The following RORA variants were observed in gnomAD, a reference collection of about 807,000 sequenced individuals.
RORA encodes the protein RAR related orphan receptor A.
RORA carries 7 observed loss-of-function variants against 69.5 expected under a neutral mutation model. That is an observed-to-expected ratio of 0.10 (90% CI 0.06 to 0.19). The LOEUF is 0.19. Among genes scored for constraint, RORA ranks in the 10% least tolerant of loss-of-function variants. The pLI is 1.00. For synonymous variants in RORA, 261 were observed against 240.8 expected (o/e 1.08, Z -0.78); for missense variants, 457 against 663.0 (o/e 0.69, Z 3.41).
intron 1 of RORA, among the ~76,000 whole-genome samples, chr15:60,869,789 C>T (rs1355997104): frequency 6.6e-6 from 1 of 152,186 alleles, no homozygotes; most frequent in Non-Finnish European, 1.5e-5. Context: ...GCGATGCTAG[C>T]CCTAAGGGGA....
intron 1 of RORA, among the ~76,000 whole-genome samples, chr15:60,878,680 A>C (rs1363423260): frequency 6.6e-6 from 1 of 151,928 alleles, no homozygotes; most frequent in African/African-American, 2.4e-5. Context: ...TATTGCTCAG[A>C]CCTCTGTCTG....
intron 9 of RORA, 73 bp from the exon 10 acceptor site, chr15:60,500,077 T>C (rs1336656264): frequency 1.1e-6 from 1 of 884,336 alleles, no homozygotes; most frequent in Non-Finnish European, 1.8e-6. Flanking sequence ...CCGGATTCTT[T>C]TGATACGGAT....
chr15:60,901,160 T>A (rs1399426552), intron 1 of RORA, among the ~76,000 whole-genome samples: 2 of 152,130 alleles, frequency 1.3e-5, no homozygotes, highest in Non-Finnish European at 2.9e-5. Context: ...TTAAATGATC[T>A]TGATTCATGA....
chr15:61,076,951 C>T (rs570008866), intron 1 of RORA, among the ~76,000 whole-genome samples: 2 of 148,938 alleles, frequency 1.3e-5, no homozygotes, highest in Non-Finnish European at 1.5e-5. Flanking sequence ...AAAAAAAAAG[C>T]CCTTAATTGC....
intron 2 of RORA, among the ~76,000 whole-genome samples, chr15:60,599,207 T>G (rs892511347): frequency 6.6e-6 from 1 of 152,126 alleles, no homozygotes; most frequent in Non-Finnish European, 1.5e-5. Context: ...CACATCTTGG[T>G]GGATAGAAGT....
chr15:61,181,029 G>A (rs561079908), intron 1 of RORA, among the ~76,000 whole-genome samples: 8 of 151,706 alleles, frequency 5.3e-5, no homozygotes, highest in African/African-American at 1.5e-4. Flanking sequence ...GTTTGAACCT[G>A]GGAGGCAGAG....
intron 2 of RORA, among the ~76,000 whole-genome samples, chr15:60,629,338 C>T (rs1055930458): frequency 3.3e-5 from 5 of 152,032 alleles, no homozygotes; most frequent in Non-Finnish European, 7.4e-5. Flanking sequence ...AGGCATGCAC[C>T]ACCACGCCCA....
At position 61,131,442 on chromosome 15, in the gene RORA, G is replaced by A. The variant is rs145707384; in HGVS notation, c.166+97611C>T. Among the ~76,000 whole-genome samples the A allele has an allele frequency of 1.6e-4, 25 of 152,328 alleles. No individual in the cohort carries two copies. The East Asian group carries it at 4.8e-3, about 29-fold the overall frequency. ...CAGCATTTCTCTAGAGGACACAGCT[G>A]CAGGCTCTTTGGAGCTACTCCTGGG... is the stretch of plus-strand genomic sequence containing the variant. On this transcript the variant is annotated intron_variant, in intron 1 of 10. Coordinates refer to ENST00000335670, the MANE Select transcript of RORA (RefSeq NM_134261.3). This position sits in a 1 kb window ranked among gnomAD's most constrained non-coding sequence, Gnocchi z 4.2.
chr15:61,066,959 G>T (rs988406615), intron 1 of RORA, among the ~76,000 whole-genome samples: 47 of 150,608 alleles, frequency 3.1e-4, no homozygotes, highest in African/African-American at 1.1e-3. Flanking sequence ...GTCATTTTTG[G>T]CAGCTGCATT....
In RORA at chr15:60,763,065, ATTTTTTTTTTTT is replaced by A. The variant is rs374433414; in HGVS notation, c.167-84391_167-84380del. Among the ~76,000 whole-genome samples, 104 of 48,376 alleles carry A rather than the reference ATTTTTTTTTTTT, an allele frequency of 2.1e-3. 1 individual carries two copies. The highest frequency in any genetic ancestry group is 2.1e-3 in the East Asian group (3 of 1,446). The allele number at this position is 48,376 out of a possible 152,430, so 31.7% of individuals were successfully genotyped here. On this transcript the variant is annotated intron_variant, in intron 1 of 10. Transcript: ENST00000335670. ...AAAGTACTGTTTCCAATATGCACAGATTTTTTTTTTTTTTTTTTTTTTTTTTTTTTTAACCAA... is the reference window on the plus strand; with the variant it reads ...AAAGTACTGTTTCCAATATGCACAGATTTTTTTTTTTTTTTTTTTAACCAA...
At chr15:60,832,277 A>AC (rs2073052294) in intron 1 of RORA, among the ~76,000 whole-genome samples, 1 of 125,194 alleles carries the variant, frequency 8.0e-6, no homozygotes, top group African/African-American at 4.6e-5. Flanking sequence ...CCTATCCCAC[A>AC]CCACCCCTCC....
chr15:61,051,171 AGAAG>A (rs1201810848), intron 1 of RORA, among the ~76,000 whole-genome samples: 1 of 152,212 alleles, frequency 6.6e-6, no homozygotes, highest in Non-Finnish European at 1.5e-5. Context: ...GAAGGATGGC[AGAAG>A]GAAGAGGGGA....
At chr15:60,876,315 G>T (rs1433523378) in intron 1 of RORA, among the ~76,000 whole-genome samples, 26 of 120,178 alleles carry the variant, frequency 2.2e-4, no homozygotes, top group South Asian at 9.6e-4. Flanking sequence ...AGGAAGTGGG[G>T]GGGGGGGGGG....
At position 60,516,035 on chromosome 15, in the gene RORA, ATATT is replaced by A. The variant is rs2065892445; in HGVS notation, c.283-1282_283-1279del. Among the ~76,000 whole-genome samples, 7 of 10,018 alleles carry A rather than the reference ATATT, an allele frequency of 7.0e-4. 1 individual carries two copies. Among genetic ancestry groups the A allele is most frequent in the East Asian group, 7.9e-3 (1 of 126 alleles). 6.6% of individuals were successfully genotyped at this position (10,018 alleles called of 152,430 possible). On this transcript the variant is annotated intron_variant, in intron 3 of 10. Transcript: ENST00000335670. ...TTTATATATATTTATATATTTATAT[ATATT>A]TATATATTTATATATATTTATATAT...
intron 1 of RORA, among the ~76,000 whole-genome samples, chr15:61,209,690 C>A (rs1405885757): frequency 6.6e-6 from 1 of 152,180 alleles, no homozygotes; most frequent in Non-Finnish European, 1.5e-5. Context: ...ACTAAGACAG[C>A]CAAATACTTT....
At chr15:61,077,306 G>A (rs763424644) in intron 1 of RORA, among the ~76,000 whole-genome samples, 40 of 152,260 alleles carry the variant, frequency 2.6e-4, no homozygotes, top group South Asian at 1.5e-3. Context: ...AGCACATTAC[G>A]GGTGCCCTAC....
chr15:61,213,238 G>A lies in RORA; in HGVS notation c.166+15815C>T, dbSNP rs1037630434. Among the ~76,000 whole-genome samples the A allele has an allele frequency of 7.2e-5, 11 of 152,024 alleles. No homozygotes were observed. Among genetic ancestry groups the A allele is most frequent in the East Asian group, 1.9e-4 (1 of 5,178 alleles). ...ACTCCACTTCCTGGGGAATCCTACCGCAGAGTCAACTCTTCTTCGCCTTCC... is the reference window on the plus strand; with the variant it reads ...ACTCCACTTCCTGGGGAATCCTACCACAGAGTCAACTCTTCTTCGCCTTCC... On this transcript the variant is annotated intron_variant, in intron 1 of 10. Transcript: ENST00000335670. The surrounding 1 kb of genome is among the most constrained non-coding windows in gnomAD (Gnocchi z 4.1).
chr15:61,127,189 G>C (rs1373617965), intron 1 of RORA, among the ~76,000 whole-genome samples: 1 of 152,186 alleles, frequency 6.6e-6, no homozygotes, highest in African/African-American at 2.4e-5. Flanking sequence ...CCCTGACCTT[G>C]AGTGTGTGTT....
At chr15:61,091,658 C>T (rs1477479490) in intron 1 of RORA, among the ~76,000 whole-genome samples, 1 of 152,210 alleles carries the variant, frequency 6.6e-6, no homozygotes, top group African/African-American at 2.4e-5. Flanking sequence ...TCGCATGATG[C>T]TCTTTATTTA....
Sources: allele counts gnomAD v4.1 joint callset (sites outside exome capture counted in the v4.1 genomes callset), GRCh38; gene constraint gnomAD v4.1.1; non-coding constraint Gnocchi (gnomAD v3.1); transcripts MANE v1.5; gene names NCBI Gene and HGNC (gene_info 2026-07-23, HGNC 2026-07-21).